Variants in THSD7B observed in about 807,000 individuals in gnomAD.
THSD7B encodes thrombospondin type-1 domain-containing protein 7B.
In THSD7B, 138 loss-of-function variants were observed where a neutral mutation model predicts 213.6. The observed-to-expected ratio is 0.65, with a 90% CI of 0.56 to 0.74. The LOEUF is 0.74. THSD7B is among the 30% of genes least tolerant of loss of function. The probability of loss-of-function intolerance (pLI) is 0.00; values close to 1 mark genes in which losing one functional copy is unlikely to be tolerated. For missense variants in THSD7B, 1,931 were observed against 1,991.5 expected, an observed-to-expected ratio of 0.97 and a Z score of 0.58; for synonymous variants, 742 against 687.0, an observed-to-expected ratio of 1.08 and a Z score of -1.25.
At chr2:137,545,730 G>A (rs950009856) in intron 15 of THSD7B, among the ~76,000 whole-genome samples, 2 of 151,834 alleles carry the variant, frequency 1.3e-5, no homozygotes, top group African/African-American at 4.8e-5. Context: ...CTAGAGTTCA[G>A]TCAACATACA....
chr2:137,141,965 A>T (rs1049971731), intron 5 of THSD7B, among the ~76,000 whole-genome samples: 2 of 152,150 alleles, frequency 1.3e-5, no homozygotes, highest in African/African-American at 2.4e-5. Context: ...AACTATTACT[A>T]AAAACTTCCC....
intron 2 of THSD7B, among the ~76,000 whole-genome samples, chr2:137,034,287 G>T (rs947983701): frequency 2.0e-4 from 30 of 151,998 alleles, no homozygotes; most frequent in African/African-American, 7.0e-4. Flanking sequence ...TGTATTTTTA[G>T]TAGAGACGGG....
At chr2:137,359,292 G>A (rs927900489) in intron 12 of THSD7B, among the ~76,000 whole-genome samples, 5 of 152,220 alleles carry the variant, frequency 3.3e-5, no homozygotes, top group Non-Finnish European at 5.9e-5. Flanking sequence ...CATGGAGAGT[G>A]GGCCAGGACT....
At chr2:137,258,631 A>C (rs1463198834) in intron 10 of THSD7B, among the ~76,000 whole-genome samples, 7 of 149,362 alleles carry the variant, frequency 4.7e-5, no homozygotes, top group African/African-American at 1.7e-4. Context: ...ACAGGCACAC[A>C]TGGAAAGATA....
chr2:137,652,761 T>C (rs1683164293), intron 21 of THSD7B, among the ~76,000 whole-genome samples: 1 of 152,186 alleles, frequency 6.6e-6, no homozygotes, highest in South Asian at 2.1e-4. Context: ...AAAAATATCC[T>C]GTATGACAAG....
chr2:137,640,542 A>C (rs1366849878), intron 20 of THSD7B, among the ~76,000 whole-genome samples: 1 of 152,194 alleles, frequency 6.6e-6, no homozygotes, highest in Non-Finnish European at 1.5e-5. Context: ...ACTAGAGTAA[A>C]ACTGCTTTGA....
intron 15 of THSD7B, among the ~76,000 whole-genome samples, chr2:137,557,418 T>C (rs1680999634): frequency 6.6e-6 from 1 of 152,170 alleles, no homozygotes; most frequent in African/African-American, 2.4e-5. Context: ...ACATGGATAC[T>C]GAACAACCTG....
rs543399654 is a variant in THSD7B at position 137,416,614 on chromosome 2, C to A, written c.2959+4742C>A. 2.0e-5 allele frequency among the ~76,000 whole-genome samples: 3 copies of A among 152,308 alleles called. No individual in the cohort carries two copies. In the South Asian group the frequency reaches 6.2e-4, roughly 32 times the overall value. ...CACACAGGCTCTCAGTATCTGTTGG[C>A]TGAATGAATGGAAAGGATAGTTTAG... On this transcript the variant is annotated intron_variant, in intron 14 of 27. Coordinates refer to ENST00000409968, the MANE Select transcript of THSD7B (RefSeq NM_001316349.2).
chr2:136,860,411 G>A (rs924746150), intron 1 of THSD7B, among the ~76,000 whole-genome samples: 2 of 152,062 alleles, frequency 1.3e-5, no homozygotes, highest in African/African-American at 4.8e-5. Context: ...TTTCCTATGT[G>A]CTATTTCTCC....
chr2:137,043,598 G>A (rs963059820), intron 2 of THSD7B, among the ~76,000 whole-genome samples: 1 of 152,160 alleles, frequency 6.6e-6, no homozygotes, highest in Non-Finnish European at 1.5e-5. Flanking sequence ...TTTGAGGCAG[G>A]AGGTGTGTGG....
intron 1 of THSD7B, among the ~76,000 whole-genome samples, chr2:136,779,087 A>T (rs2104904515): frequency 6.6e-6 from 1 of 152,184 alleles, no homozygotes; most frequent in Non-Finnish European, 1.5e-5. Flanking sequence ...TTTATATTAG[A>T]GTTTTATTTT....
intron 2 of THSD7B, among the ~76,000 whole-genome samples, chr2:136,983,698 ATGATTTGCTAAG>A (rs1685626247): frequency 6.6e-6 from 1 of 152,224 alleles, no homozygotes; most frequent in South Asian, 2.1e-4. Flanking sequence ...TTACAAATAA[ATGATTTGCTAAG>A]TGATTTTAAA....
chr2:137,647,779 G>T (rs963161248), intron 21 of THSD7B, among the ~76,000 whole-genome samples: 1 of 152,168 alleles, frequency 6.6e-6, no homozygotes, highest in Non-Finnish European at 1.5e-5. Context: ...TCTGGAAGAT[G>T]ATGTGAGTAG....
At chr2:137,574,013 T>C (rs1361585855) in intron 17 of THSD7B, among the ~76,000 whole-genome samples, 2 of 152,136 alleles carry the variant, frequency 1.3e-5, no homozygotes, top group African/African-American at 4.8e-5. Context: ...TTTTAGAAAG[T>C]GTGCTAGTAC....
intron 17 of THSD7B, among the ~76,000 whole-genome samples, chr2:137,584,749 T>G (rs7371635): frequency 0.22 from 33,756 of 152,100 alleles, 3,889 homozygotes; most frequent in Middle Eastern, 0.32. Flanking sequence ...AGTATTTTAT[T>G]GAGGATTTTT....
chr2:137,324,977 A>T (rs891674571), intron 12 of THSD7B, among the ~76,000 whole-genome samples: 1 of 152,186 alleles, frequency 6.6e-6, no homozygotes, highest in African/African-American at 2.4e-5. Context: ...AACTGCATTC[A>T]ACTGGTTGTT....
At chr2:137,540,492 C>A (rs1680590195) in intron 15 of THSD7B, among the ~76,000 whole-genome samples, 1 of 151,634 alleles carries the variant, frequency 6.6e-6, no homozygotes, top group Non-Finnish European at 1.5e-5. Context: ...GTAAAACAAC[C>A]AACCAACCCC....
intron 15 of THSD7B, among the ~76,000 whole-genome samples, chr2:137,459,964 C>A (rs956638029): frequency 1.1e-4 from 17 of 152,132 alleles, no homozygotes; most frequent in Non-Finnish European, 1.9e-4. Context: ...AAGATTCTTG[C>A]CCAATGAAGC....
intron 15 of THSD7B, among the ~76,000 whole-genome samples, chr2:137,497,603 A>G (rs1036720330): frequency 6.6e-6 from 1 of 151,086 alleles, no homozygotes; most frequent in Admixed American, 6.6e-5. Flanking sequence ...ATATATATGT[A>G]TGTGTGTGTG....
Sources: allele counts gnomAD v4.1 joint callset (sites outside exome capture counted in the v4.1 genomes callset), GRCh38; gene constraint gnomAD v4.1.1; transcripts MANE v1.5; gene names NCBI Gene and HGNC (gene_info 2026-07-23, HGNC 2026-07-21).